The following ZNF831 variants were observed in gnomAD, a reference collection of about 807,000 sequenced individuals.
The protein encoded by ZNF831 is chromosome 20 open reading frame 174.
In ZNF831, 59 loss-of-function variants were observed where a neutral mutation model predicts 95.8. The ratio of observed to expected loss-of-function variants is 0.62; its 90% CI spans 0.50 to 0.77. The LOEUF (loss-of-function observed/expected upper bound fraction) is 0.77. ZNF831 is among the 30% of genes least tolerant of loss of function. The pLI is 0.00. For synonymous variants in ZNF831, 961 were observed against 925.5 expected (o/e 1.04, Z -0.70); for missense variants, 2,205 against 2,164.0 (o/e 1.02, Z -0.38).
rs757670541 is a variant in ZNF831, at chr20:59,191,040, C to T, written c.21C>T (p.Thr7=). Residue 7 remains threonine, a synonymous_variant, in exon 2 of 6, where the codon ACC becomes ACT. Transcript: ENST00000371030. ...GCGGAATGGAGGTTCCAGAACCCAC[C>T]TGCCCTGCCCCTCCTGCGAGGGACC... MEVPEP[T]CPAPPARDQP... 4 of 1,489,192 alleles carry T rather than the reference C, an allele frequency of 2.7e-6. No individual in the cohort carries two copies. The highest frequency in any genetic ancestry group is 2.4e-5 in the Admixed American group (1 of 40,998). The allele number at this position is 1,489,192 out of a possible 1,614,324, so 92.2% of individuals were successfully genotyped here. A position where few individuals can be genotyped will look rare whatever the true frequency, so the allele number is the denominator to read the frequency against.
intron 1 of ZNF831, among the ~76,000 whole-genome samples, chr20:59,136,958 T>C (rs6100345): frequency 1 from 152,300 of 152,308 alleles, 76,146 homozygotes; most frequent in Middle Eastern, 1. Flanking sequence ...AGGGAAGGGG[T>C]GCATCCACCT....
chr20:59,171,476 C>A (rs1981732358), intron 1 of ZNF831, among the ~76,000 whole-genome samples: 1 of 152,184 alleles, frequency 6.6e-6, no homozygotes, highest in Admixed American at 6.5e-5. Context: ...TCTGTATTTC[C>A]ACCTAACAAG....
intron 4 of ZNF831, among the ~76,000 whole-genome samples, chr20:59,244,864 C>A (rs1338127006): frequency 2.0e-5 from 3 of 152,212 alleles, no homozygotes; most frequent in African/African-American, 7.2e-5. Context: ...TTCATCCCTT[C>A]CTTTATTGAT....
chr20:59,201,534 A>C (rs1984533045), intron 3 of ZNF831, among the ~76,000 whole-genome samples: 1 of 152,216 alleles, frequency 6.6e-6, no homozygotes, highest in African/African-American at 2.4e-5. Flanking sequence ...TAGTTTAAAA[A>C]AGTGTGTCTA....
intron 1 of ZNF831, among the ~76,000 whole-genome samples, chr20:59,174,912 TGG>T (rs1982021803): frequency 6.6e-6 from 1 of 152,148 alleles, no homozygotes; most frequent in African/African-American, 2.4e-5. Context: ...TCTTTGAGGG[TGG>T]GCCTGCTGGT....
chr20:59,143,896 C>T (rs1034207560), intron 1 of ZNF831, among the ~76,000 whole-genome samples: 1 of 152,196 alleles, frequency 6.6e-6, no homozygotes, highest in Non-Finnish European at 1.5e-5. Context: ...TGAAGGTCAA[C>T]AAATAATTTT....
chr20:59,219,701 C>T (rs192798095), intron 4 of ZNF831, among the ~76,000 whole-genome samples: 5 of 152,266 alleles, frequency 3.3e-5, no homozygotes, highest in East Asian at 3.9e-4. Flanking sequence ...TTTCATCCCT[C>T]GATCATAAAG....
chr20:59,183,171 C>G (rs747370004), intron 1 of ZNF831, among the ~76,000 whole-genome samples: 3 of 152,248 alleles, frequency 2.0e-5, no homozygotes, highest in South Asian at 4.2e-4. Context: ...ACGTGGGAAC[C>G]GTGGTTGGAC....
intron 1 of ZNF831, among the ~76,000 whole-genome samples, chr20:59,181,071 C>T (rs1184377504): frequency 6.6e-6 from 1 of 152,222 alleles, no homozygotes; most frequent in Non-Finnish European, 1.5e-5. Flanking sequence ...GCCATTCTAA[C>T]TGGCACGAGA....
intron 1 of ZNF831, among the ~76,000 whole-genome samples, chr20:59,170,193 A>C (rs1981615566): frequency 6.6e-6 from 1 of 152,136 alleles, no homozygotes; most frequent in South Asian, 2.1e-4. Flanking sequence ...TGTGGGGTAC[A>C]TGAAATGTTT....
chr20:59,239,908 TCTTA>T (rs1987226779), intron 4 of ZNF831, among the ~76,000 whole-genome samples: 1 of 152,146 alleles, frequency 6.6e-6, no homozygotes, highest in Non-Finnish European at 1.5e-5. Context: ...GGCAGCACAG[TCTTA>T]CTTCTCCAGT....
rs190280110 is a variant in ZNF831, at chr20:59,216,456, C to T, written c.4027+9400C>T. Reference sequence around the variant, plus strand: ...TGACTGAGATGGAGTTTCACTCTGTCGCCCAGGCTGGAGTGCAGTGGCGTG... The same window carrying T: ...TGACTGAGATGGAGTTTCACTCTGTTGCCCAGGCTGGAGTGCAGTGGCGTG... On this transcript the variant is annotated intron_variant, in intron 4 of 5. Transcript: ENST00000371030. Among the ~76,000 whole-genome samples, 241 of 152,322 alleles carry T rather than the reference C, an allele frequency of 1.6e-3. 1 individual carries two copies. Among genetic ancestry groups the T allele is most frequent in the East Asian group, 3.3e-3 (17 of 5,180 alleles).
intron 4 of ZNF831, among the ~76,000 whole-genome samples, chr20:59,224,133 C>T (rs1601420414): frequency 6.6e-6 from 1 of 152,364 alleles, no homozygotes; most frequent in Middle Eastern, 3.4e-3. Flanking sequence ...AGGAGGCCTT[C>T]AGAAGCCACC....
chr20:59,131,975 A>G (rs1443482987), intron 1 of ZNF831, among the ~76,000 whole-genome samples: 1 of 152,266 alleles, frequency 6.6e-6, no homozygotes, highest in Non-Finnish European at 1.5e-5. Flanking sequence ...ACAGGAAAGC[A>G]TAAAGATAAA....
At position 59,255,976 on chromosome 20, in the gene ZNF831, G is replaced by A. The variant is rs984746482; in HGVS notation, c.*1233G>A. The A allele has an allele frequency of 3.9e-5, 6 of 152,266 alleles. No homozygotes were observed. Among genetic ancestry groups the A allele is most frequent in the Admixed American group, 3.9e-4 (6 of 15,298 alleles). 9.4% of individuals were successfully genotyped at this position (152,266 alleles called of 1,614,324 possible). On this transcript the variant is annotated 3_prime_UTR_variant, in exon 6 of 6. Coordinates refer to ENST00000371030, the MANE Select transcript of ZNF831 (RefSeq NM_178457.3). The stretch of plus-strand genomic sequence containing the variant: ...CTCTCCCTCTCCTTCCACGGGAGAG[G>A]AGAAACTTAAAGAGGTTTACATTGC...
In ZNF831 at chr20:59,255,738, T is replaced by G. The variant is rs903123755; in HGVS notation, c.*995T>G. 1 of 152,206 alleles carries G rather than the reference T, an allele frequency of 6.6e-6. No individual in the cohort carries two copies. The highest frequency in any genetic ancestry group is 1.5e-5 in the Non-Finnish European group (1 of 68,036). The allele number at this position is 152,206 out of a possible 1,614,324, so 9.4% of individuals were successfully genotyped here. A position where few individuals can be genotyped will look rare whatever the true frequency, so the allele number is the denominator to read the frequency against. On this transcript the variant is annotated 3_prime_UTR_variant, in exon 6 of 6. Coordinates refer to ENST00000371030, the MANE Select transcript of ZNF831 (RefSeq NM_178457.3). The stretch of plus-strand genomic sequence containing the variant: ...TTCAGAAGCTTCAAGGATACAAAAC[T>G]AATTGGAGTTTTGACGCTGTTTTAC...
rs1987483915 is a variant in ZNF831, at chr20:59,244,216, C to G, written c.4028-8762C>G. Reference sequence around the variant, plus strand: ...GATTTAAAACTATTACTGAGAGAGGCAAAGTTTCAAAAAAAATAGGATAGT... The same window carrying G: ...GATTTAAAACTATTACTGAGAGAGGGAAAGTTTCAAAAAAAATAGGATAGT... On this transcript the variant is annotated intron_variant, in intron 4 of 5. Coordinates refer to ENST00000371030, the MANE Select transcript of ZNF831 (RefSeq NM_178457.3). Among the ~76,000 whole-genome samples the G allele has an allele frequency of 2.0e-5, 3 of 151,976 alleles. No individual in the cohort carries two copies. The South Asian group carries it at 6.2e-4, about 32-fold the overall frequency.
At chr20:59,153,044 G>A (rs951963216) in intron 2 of ZNF831, among the ~76,000 whole-genome samples, 2 of 152,148 alleles carry the variant, frequency 1.3e-5, no homozygotes, top group Non-Finnish European at 2.9e-5. Context: ...GAGGAAACTG[G>A]ACTTTGGCCA....
At chr20:59,236,900 G>C (rs1987030217) in intron 4 of ZNF831, among the ~76,000 whole-genome samples, 1 of 151,972 alleles carries the variant, frequency 6.6e-6, no homozygotes, top group Admixed American at 6.6e-5. Context: ...TTTTAAAATT[G>C]AGGGAGAAGT....
Sources: gnomAD v4.1 joint callset for allele counts (sites outside exome capture counted in the v4.1 genomes callset) on GRCh38, gnomAD v4.1.1 for gene constraint, MANE v1.5 for transcripts, NCBI Gene and HGNC (gene_info 2026-07-23, HGNC 2026-07-21) for gene names.